PCDHA11: variants seen among roughly 807,000 people sequenced by gnomAD.
PCDHA11 encodes protocadherin alpha-11.
In PCDHA11, 61 loss-of-function variants were observed where a neutral mutation model predicts 70.3. That is an observed-to-expected ratio of 0.87 (90% CI 0.71 to 1.07). The LOEUF (loss-of-function observed/expected upper bound fraction) is 1.07, where lower values mean the gene tolerates loss of function less well. Among genes scored for constraint, PCDHA11 ranks in the 50% least tolerant of loss-of-function variants. PCDHA11 has a pLI of 0.00. For synonymous variants in PCDHA11, 633 were observed against 555.1 expected (o/e 1.14, Z -1.97); for missense variants, 1,324 against 1,237.5 (o/e 1.07, Z -1.05).
chr5:140,918,895 A>G (rs1319042193), intron 1 of PCDHA11, among the ~76,000 whole-genome samples: 2 of 152,206 alleles, frequency 1.3e-5, no homozygotes, highest in East Asian at 3.9e-4. Flanking sequence ...TGAAAAATAA[A>G]TCTCTCTTGT....
At chr5:140,896,946 T>A (rs2065814718) in intron 1 of PCDHA11, among the ~76,000 whole-genome samples, 1 of 152,134 alleles carries the variant, frequency 6.6e-6, no homozygotes, top group Non-Finnish European at 1.5e-5. Context: ...GGAATGGCCA[T>A]TCCCTTAAAC....
chr5:140,871,176 GCT>G lies in PCDHA11; in HGVS notation c.2074_2075del (p.Leu692GlyfsTer36). ...CGGGCGCCGCGAGCCCAGAGGCTGC[GCT>G]GGTGGATGTCAACGTGTACCTGATC... The part of the protein sequence containing the change: ...LAGAASPEAA[L>X]VDVNVYLIIA... On this transcript the variant is annotated frameshift_variant, in exon 1 of 4. Coordinates refer to ENST00000398640, the MANE Select transcript of PCDHA11 (RefSeq NM_018902.5). LOFTEE classifies it high-confidence loss of function. 6 of 1,613,534 alleles carry G rather than the reference GCT, an allele frequency of 3.7e-6. No individual in the cohort carries two copies. Among genetic ancestry groups the G allele is most frequent in the Non-Finnish European group, 5.1e-6 (6 of 1,179,950 alleles).
intron 1 of PCDHA11, chr5:140,966,905 T>C (rs1554228876): frequency 1.9e-6 from 3 of 1,600,790 alleles, no homozygotes; most frequent in Non-Finnish European, 2.5e-6. Flanking sequence ...GCTGCGATAC[T>C]CTGTGCCAGA....
In PCDHA11 at chr5:140,883,118, C is replaced by G. The variant is rs370331206; in HGVS notation, c.2391+11624C>G. ...AGATATAGTTTACTCATTTAGAAGG[C>G]CTGTATGGCCTGCAGTGGTATATGC... On this transcript the variant is annotated intron_variant, in intron 1 of 3. Coordinates refer to ENST00000398640, the MANE Select transcript of PCDHA11 (RefSeq NM_018902.5). The G allele has an allele frequency of 8.7e-6, 14 of 1,613,882 alleles. No individual in the cohort carries two copies. Among genetic ancestry groups the G allele is most frequent in the Non-Finnish European group, 1.2e-5 (14 of 1,180,016 alleles).
At chr5:141,007,712 A>G (rs2098342161) in intron 3 of PCDHA11, among the ~76,000 whole-genome samples, 1 of 152,170 alleles carries the variant, frequency 6.6e-6, no homozygotes, top group Non-Finnish European at 1.5e-5. Context: ...GCCTCCCACC[A>G]CCAGGGAGAA....
chr5:140,895,315 A>C (rs541841623), intron 1 of PCDHA11, among the ~76,000 whole-genome samples: 2 of 152,036 alleles, frequency 1.3e-5, no homozygotes, highest in East Asian at 1.9e-4. Flanking sequence ...TCCACCCATG[A>C]CTATTGTTCT....
chr5:140,966,260 A>C, intron 1 of PCDHA11: 1 of 339,990 alleles, frequency 2.9e-6, no homozygotes, highest in Admixed American at 4.8e-5. Context: ...GACGGTGGAG[A>C]CTGGATGAAC....
intron 3 of PCDHA11, among the ~76,000 whole-genome samples, chr5:140,994,024 A>G (rs1440214596): frequency 6.6e-6 from 1 of 152,234 alleles, no homozygotes; most frequent in East Asian, 1.9e-4. Context: ...TGATGCAGAT[A>G]TAATATTAAA....
chr5:140,949,260 T>C (rs1292112980), intron 1 of PCDHA11, among the ~76,000 whole-genome samples: 1 of 151,804 alleles, frequency 6.6e-6, no homozygotes, highest in Non-Finnish European at 1.5e-5. Flanking sequence ...GATGAACATA[T>C]CACGTGCACT....
At chr5:140,938,881 A>T (rs2092243650) in intron 1 of PCDHA11, among the ~76,000 whole-genome samples, 1 of 152,088 alleles carries the variant, frequency 6.6e-6, no homozygotes, top group South Asian at 2.1e-4. Context: ...GAAGCAACAC[A>T]CACACACACA....
chr5:140,927,756 T>G (rs782307164), intron 1 of PCDHA11: 2 of 1,614,012 alleles, frequency 1.2e-6, no homozygotes, highest in South Asian at 1.1e-5. Flanking sequence ...ACGTGCACCC[T>G]AAAAGTGGGG....
chr5:140,995,314 G>A (rs2097676013), intron 3 of PCDHA11, among the ~76,000 whole-genome samples: 1 of 152,140 alleles, frequency 6.6e-6, no homozygotes, highest in Admixed American at 6.5e-5. Context: ...CTTTCTAAGT[G>A]AACTAACAGG....
At chr5:141,007,299 T>C (rs550659664) in intron 3 of PCDHA11, among the ~76,000 whole-genome samples, 9 of 151,686 alleles carry the variant, frequency 5.9e-5, no homozygotes, top group African/African-American at 2.2e-4. Context: ...GCCTGTAATC[T>C]TAGCATTTTG....
Position 140,871,299 on chromosome 5 carries a change from G to A in PCDHA11, c.2196G>A (p.Ala732=), listed in dbSNP as rs782459625. 1.9e-6 allele frequency: 3 copies of A among 1,613,916 alleles called. No individual in the cohort carries two copies. The highest frequency in any genetic ancestry group is 1.1e-5 in the South Asian group (1 of 91,068). ...WSATPTEGAC[A]PGKPTLVCSR... ...CAACGCCCACTGAGGGCGCGTGCGC[G>A]CCGGGGAAGCCCACGCTGGTGTGCT... Residue 732 remains alanine, a synonymous_variant, in exon 1 of 4, where the codon GCG becomes GCA. Coordinates refer to ENST00000398640, the MANE Select transcript of PCDHA11 (RefSeq NM_018902.5).
intron 1 of PCDHA11, chr5:140,884,066 G>T (rs2059975136): frequency 6.2e-7 from 1 of 1,613,514 alleles, no homozygotes; most frequent in Non-Finnish European, 8.5e-7. Context: ...GGTGGACGCC[G>T]ATTCGGGCTA....
intron 3 of PCDHA11, among the ~76,000 whole-genome samples, chr5:140,997,635 A>C (rs1317325954): frequency 6.6e-6 from 1 of 151,942 alleles, no homozygotes; most frequent in Non-Finnish European, 1.5e-5. Context: ...CAAAAAGCAA[A>C]ATGGGATAAT....
intron 1 of PCDHA11, among the ~76,000 whole-genome samples, chr5:140,895,581 TTAGA>T (rs1442561424): frequency 6.6e-6 from 1 of 152,216 alleles, no homozygotes; most frequent in Non-Finnish European, 1.5e-5. Flanking sequence ...AATTACTTTA[TTAGA>T]TATATAATTT....
intron 1 of PCDHA11, chr5:140,968,696 A>G (rs1554230980): frequency 6.2e-7 from 1 of 1,614,134 alleles, no homozygotes; most frequent in Non-Finnish European, 8.5e-7. Context: ...AGAAATTAGG[A>G]CTACCAGGAA....
At position 140,946,611 on chromosome 5, in the gene PCDHA11, A is replaced by AATATATATATATATATATATATATAT. The variant is rs1554217734; in HGVS notation, c.2392-32317_2392-32316insTATATATATATATATATATATATATA. Among the ~76,000 whole-genome samples, 847 of 86,186 alleles carry AATATATATATATATATATATATATAT rather than the reference A, an allele frequency of 9.8e-3. 28 individuals carry two copies. The highest frequency in any genetic ancestry group is 0.012 in the Non-Finnish European group (550 of 46,284). The allele number at this position is 86,186 out of a possible 152,430, so 56.5% of individuals were successfully genotyped here. ...GGATGAATAGATAAAGAAAATGTGA[A>AATATATATATATATATATATATATAT]ATATATATATATATATATATACAAT... On this transcript the variant is annotated intron_variant, in intron 1 of 3. Coordinates refer to ENST00000398640, the MANE Select transcript of PCDHA11 (RefSeq NM_018902.5).
Sources: gnomAD v4.1 joint callset for allele counts (sites outside exome capture counted in the v4.1 genomes callset) on GRCh38, gnomAD v4.1.1 for gene constraint, MANE v1.5 for transcripts, NCBI Gene and HGNC (gene_info 2026-07-23, HGNC 2026-07-21) for gene names.